YBEY: variants seen among roughly 807,000 people sequenced by gnomAD.
The protein encoded by YBEY is ybeY metalloendoribonuclease.
A neutral mutation model predicts 13.5 loss-of-function variants in YBEY; 15 were observed. That is an observed-to-expected ratio of 1.11 (90% CI 0.75 to 1.72). The LOEUF is 1.72. YBEY is among the 40% of genes most tolerant of loss of function. The probability of loss-of-function intolerance (pLI) is 0.00; values close to 1 mark genes in which losing one functional copy is unlikely to be tolerated. For synonymous variants in YBEY, 101 were observed against 83.1 expected (o/e 1.21, Z -1.17); for missense variants, 244 against 208.4 (o/e 1.17, Z -1.05).
At chr21:46,296,399 A>C (rs2081953299) in intron 4 of YBEY, among the ~76,000 whole-genome samples, 169 bp downstream of exon 4, 2 of 151,946 alleles carry the variant, frequency 1.3e-5, no homozygotes, top group Admixed American at 1.3e-4. Context: ...GGGCTCCCCA[A>C]ATACTTCCAG....
At chr21:46,312,326 G>T in the YBEY span, among the ~76,000 whole-genome samples, 1 of 150,662 alleles carries the variant, frequency 6.6e-6, no homozygotes, top group African/African-American at 2.4e-5. Flanking sequence ...TGGTGTTTTT[G>T]TTTTTTTTTG....
chr21:46,312,976 A>G, the YBEY span: 1 of 985,302 alleles, frequency 1.0e-6, no homozygotes, highest in Non-Finnish European at 1.2e-6. Context: ...TTCGAGCATG[A>G]AAGGCCTTCT....
downstream of YBEY, chr21:46,300,985 C>T: frequency 1.3e-6 from 1 of 795,188 alleles, no homozygotes; most frequent in Non-Finnish European, 1.7e-6. Flanking sequence ...GGGGAGTGAG[C>T]CGCCCTTCCA....
rs116550797 is a variant in YBEY at position 46,286,852 on chromosome 21, C to T, written c.-44-18C>T. 6.7e-4 allele frequency: 1,025 copies of T among 1,533,172 alleles called. 8 individuals are homozygous for T. In the African/African-American group the frequency reaches 0.012, roughly 17 times the overall value. The allele number at this position is 1,533,172 out of a possible 1,614,324, so 95.0% of individuals were successfully genotyped here. On this transcript the variant is annotated intron_variant, in intron 1 of 4. Transcript: ENST00000397701. ...TATCACTTGTACTGATTGGTCTTCTCTTACACTTTAACCCCAGGTTCCGTT... is the reference window on the plus strand; with the variant it reads ...TATCACTTGTACTGATTGGTCTTCTTTTACACTTTAACCCCAGGTTCCGTT...
the YBEY span, chr21:46,311,602 G>A: frequency 7.4e-7 from 1 of 1,347,122 alleles, no homozygotes; most frequent in Non-Finnish European, 1.0e-6. Flanking sequence ...ATCTGCATAT[G>A]TCCTTGAAGA....
chr21:46,312,596 G>T, the YBEY span, among the ~76,000 whole-genome samples: 1 of 152,188 alleles, frequency 6.6e-6, no homozygotes, highest in Non-Finnish European at 1.5e-5. Flanking sequence ...CCAGGCAGGG[G>T]AAATGCAGTA....
At chr21:46,306,413 C>T in the YBEY span, among the ~76,000 whole-genome samples, 2 of 151,876 alleles carry the variant, frequency 1.3e-5, no homozygotes, top group African/African-American at 2.4e-5. Context: ...GTAGGAGAAT[C>T]GCTTCAACCT....
downstream of YBEY, among the ~76,000 whole-genome samples, chr21:46,297,962 T>C (rs1373057540): frequency 6.7e-6 from 1 of 149,026 alleles, no homozygotes; most frequent in Non-Finnish European, 1.5e-5. Flanking sequence ...CGTCCTTCCG[T>C]AGAAAAGGCT....
intron 2 of YBEY, among the ~76,000 whole-genome samples, chr21:46,288,221 T>C (rs1339688226): frequency 6.6e-6 from 1 of 152,194 alleles, no homozygotes; most frequent in Non-Finnish European, 1.5e-5. Context: ...ACAAACTCAA[T>C]GTAATAGCAG....
chr21:46,302,058 G>C, downstream of YBEY: 3 of 1,535,874 alleles, frequency 2.0e-6, no homozygotes, highest in Non-Finnish European at 2.6e-6. Flanking sequence ...GCAGCCCCAG[G>C]TGGCCACACA....
At chr21:46,309,249 T>C in the YBEY span, among the ~76,000 whole-genome samples, 1 of 151,816 alleles carries the variant, frequency 6.6e-6, no homozygotes, top group Non-Finnish European at 1.5e-5. Context: ...TCATCTGAGG[T>C]CAGGAATTTG....
chr21:46,288,396 G>A (rs1413736519), intron 2 of YBEY, among the ~76,000 whole-genome samples: 1 of 152,220 alleles, frequency 6.6e-6, no homozygotes, highest in Admixed American at 6.5e-5. Flanking sequence ...AGGCAGAAGA[G>A]GCCGGGTGCA....
intron 2 of YBEY, among the ~76,000 whole-genome samples, chr21:46,288,335 A>T (rs2081550973): frequency 6.6e-6 from 1 of 152,208 alleles, no homozygotes; most frequent in African/African-American, 2.4e-5. Flanking sequence ...GGCATTTCAA[A>T]CACATGTATC....
At chr21:46,305,563 C>G in the YBEY span, among the ~76,000 whole-genome samples, 2 of 151,972 alleles carry the variant, frequency 1.3e-5, no homozygotes, top group Non-Finnish European at 2.9e-5. Context: ...CTCCTAGGCT[C>G]AAGTGATCCT....
rs2081469301 is a variant in YBEY at position 46,287,114 on chromosome 21, A to G, written c.201A>G (p.Pro67=). 1 of 1,575,588 alleles carries G rather than the reference A, an allele frequency of 6.3e-7. No homozygotes were observed. Among genetic ancestry groups the G allele is most frequent in the East Asian group, 2.3e-5 (1 of 44,226 alleles). The change falls in exon 2 of 5, where the codon CCA becomes CCG. Residue 67 remains proline, a synonymous_variant. Transcript: ENST00000397701. ...TCCCAACCGATGTGCTTTCTTTTCC[A>G]TTTCATGAGGTAAAAAAAAAATGTT... ...RNVPTDVLSF[P]FHEHLKAGEF... is the part of the protein sequence containing the mutation.
chr21:46,298,434 C>CCTTTTTTTTTTTTT (rs2082018656), downstream of YBEY, among the ~76,000 whole-genome samples: 1 of 97,160 alleles, frequency 1.0e-5, no homozygotes, highest in Non-Finnish European at 2.1e-5. Context: ...TTAATCCAAG[C>CCTTTTTTTTTTTTT]TTTTTTTTTT....
chr21:46,305,719 C>T, the YBEY span, among the ~76,000 whole-genome samples: 4 of 152,008 alleles, frequency 2.6e-5, no homozygotes, highest in Non-Finnish European at 5.9e-5. Flanking sequence ...GTGGGCGGAT[C>T]ATGAGGTTAG....
intron 3 of YBEY, among the ~76,000 whole-genome samples, chr21:46,292,416 G>C (rs2081754590): frequency 6.6e-6 from 1 of 152,216 alleles, no homozygotes. Flanking sequence ...AAGCTTCACA[G>C]AGGTGGCTTC....
At chr21:46,300,611 C>T (rs927661300), downstream of YBEY, 20 of 1,192,306 alleles carry the variant, frequency 1.7e-5, no homozygotes, top group South Asian at 7.8e-5. Flanking sequence ...CCAGTAGCTG[C>T]GCTGGGCCCT....
Sources: gnomAD v4.1 joint callset for allele counts (sites outside exome capture counted in the v4.1 genomes callset) on GRCh38, gnomAD v4.1.1 for gene constraint, MANE v1.5 for transcripts, NCBI Gene and HGNC (gene_info 2026-07-23, HGNC 2026-07-21) for gene names.